Variants in NTM observed in about 807,000 individuals in gnomAD.
NTM encodes neurotrimin.
NTM carries 13 observed loss-of-function variants against 42.1 expected under a neutral mutation model. The observed-to-expected ratio is 0.31, with a 90% confidence interval of 0.20 to 0.49. The LOEUF (loss-of-function observed/expected upper bound fraction) is 0.49. Among genes scored for constraint, NTM ranks in the 20% least tolerant of loss-of-function variants. NTM has a pLI of 0.99. For synonymous variants in NTM, 187 were observed against 179.2 expected (o/e 1.04, Z -0.35); for missense variants, 373 against 452.8 (o/e 0.82, Z 1.60).
chr11:132,323,299 A>G (rs2136310252), intron 7 of NTM, among the ~76,000 whole-genome samples: 1 of 152,114 alleles, frequency 6.6e-6, no homozygotes, highest in African/African-American at 2.4e-5. Flanking sequence ...TAATAAAGAA[A>G]AAAAGAAGAA....
chr11:132,071,203 A>G (rs537600951), intron 2 of NTM, among the ~76,000 whole-genome samples: 36 of 139,948 alleles, frequency 2.6e-4, no homozygotes, highest in African/African-American at 8.9e-4. Flanking sequence ...AGCCAAGTTA[A>G]CACGTCACAC....
chr11:132,311,095 A>G (rs1248757017), intron 6 of NTM, among the ~76,000 whole-genome samples: 1 of 152,158 alleles, frequency 6.6e-6, no homozygotes, highest in Non-Finnish European at 1.5e-5. Flanking sequence ...AAGGAAAAAC[A>G]ATGAAGAGGG....
At chr11:131,989,776 C>A (rs1453952881) in intron 2 of NTM, among the ~76,000 whole-genome samples, 1 of 151,726 alleles carries the variant, frequency 6.6e-6, no homozygotes, top group Non-Finnish European at 1.5e-5. Context: ...CTTACTGGAC[C>A]AAAGCATATA....
chr11:132,018,652 A>C (rs368766594), intron 2 of NTM, among the ~76,000 whole-genome samples: 1 of 151,976 alleles, frequency 6.6e-6, no homozygotes, highest in African/African-American at 2.4e-5. Flanking sequence ...AGAGTTTTGC[A>C]TCTATGTTTA....
intron 1 of NTM, among the ~76,000 whole-genome samples, chr11:131,477,556 C>T (rs1360084734): frequency 6.6e-6 from 1 of 151,870 alleles, no homozygotes; most frequent in African/African-American, 2.4e-5. Context: ...GCGCCCTCTG[C>T]TTCCTATATC....
intron 1 of NTM, among the ~76,000 whole-genome samples, chr11:131,530,465 G>A (rs1321619651): frequency 6.6e-6 from 1 of 151,506 alleles, no homozygotes; most frequent in Non-Finnish European, 1.5e-5. Context: ...TCTTTTACTG[G>A]GGGACTTGAA....
At chr11:131,693,283 T>G (rs2075018948) in intron 1 of NTM, among the ~76,000 whole-genome samples, 1 of 152,120 alleles carries the variant, frequency 6.6e-6, no homozygotes. Context: ...CTGTGAGGGA[T>G]GAGGAAAAAA....
At chr11:131,766,024 G>A (rs1591688738) in intron 1 of NTM, among the ~76,000 whole-genome samples, 1 of 152,140 alleles carries the variant, frequency 6.6e-6, no homozygotes, top group Non-Finnish European at 1.5e-5. Context: ...AATATAATGG[G>A]TGAGGCAGCT....
chr11:131,902,318 T>C (rs565742622), intron 1 of NTM, among the ~76,000 whole-genome samples: 2 of 152,330 alleles, frequency 1.3e-5, no homozygotes, highest in African/African-American at 4.8e-5. Flanking sequence ...GTTGAGAGTA[T>C]GTTTATCTTC....
At chr11:131,608,374 A>G (rs1488954965) in intron 1 of NTM, among the ~76,000 whole-genome samples, 2 of 152,240 alleles carry the variant, frequency 1.3e-5, no homozygotes, top group Admixed American at 1.3e-4. Context: ...TCAGGCTGTC[A>G]TAGAATAGGT....
chr11:131,662,725 C>T (rs1335370967), intron 1 of NTM, among the ~76,000 whole-genome samples: 1 of 152,126 alleles, frequency 6.6e-6, no homozygotes, highest in Non-Finnish European at 1.5e-5. Flanking sequence ...GAGGTCCTCC[C>T]TTTTCTGCAT....
chr11:132,328,587 C>T (rs1408993174), intron 7 of NTM, among the ~76,000 whole-genome samples: 2 of 152,112 alleles, frequency 1.3e-5, no homozygotes, highest in South Asian at 4.2e-4. Context: ...GGTGAAGGCT[C>T]TTCCTGTGTC....
chr11:131,401,427 A>T (rs946288526), intron 1 of NTM, among the ~76,000 whole-genome samples: 2 of 152,114 alleles, frequency 1.3e-5, no homozygotes, highest in Non-Finnish European at 2.9e-5. Flanking sequence ...TGATCTGAGC[A>T]AGTTATTTAA....
intron 3 of NTM, among the ~76,000 whole-genome samples, chr11:132,194,535 C>G (rs184605844): frequency 6.6e-6 from 1 of 152,214 alleles, no homozygotes; most frequent in East Asian, 1.9e-4. Flanking sequence ...AAGCTGGAAC[C>G]ATTCCCCTTG....
chr11:132,233,516 T>A (rs1240652896), intron 4 of NTM, among the ~76,000 whole-genome samples: 1 of 152,250 alleles, frequency 6.6e-6, no homozygotes, highest in Non-Finnish European at 1.5e-5. Context: ...AATTTCATAT[T>A]TTTAAGTGGT....
intron 4 of NTM, among the ~76,000 whole-genome samples, chr11:132,276,770 C>T (rs887681424): frequency 6.6e-6 from 1 of 151,696 alleles, no homozygotes; most frequent in Non-Finnish European, 1.5e-5. Flanking sequence ...CATAGAGAAG[C>T]CTGTATATGG....
At chr11:131,457,195 T>C (rs1950973141) in intron 1 of NTM, among the ~76,000 whole-genome samples, 1 of 152,102 alleles carries the variant, frequency 6.6e-6, no homozygotes. Flanking sequence ...AGCAAACATA[T>C]AACATGAAGA....
At chr11:132,195,024 T>C (rs2079950079) in intron 3 of NTM, among the ~76,000 whole-genome samples, 1 of 151,958 alleles carries the variant, frequency 6.6e-6, no homozygotes, top group Non-Finnish European at 1.5e-5. Flanking sequence ...GGTTTCACCA[T>C]GTTGGCCAGG....
At position 131,777,581 on chromosome 11, in the gene NTM, G is replaced by GA. The variant is rs112904739; in HGVS notation, c.83-133978dup. ...TTTCTAATTCTGCGTTCTTGTTTCA[G>GA]AAAAATGGCATAACAAAGCCCCAAA... On this transcript the variant is annotated intron_variant, in intron 1 of 8. Coordinates refer to ENST00000683400, the MANE Select transcript of NTM (RefSeq NM_001352005.2). 4.9e-3 allele frequency among the ~76,000 whole-genome samples: 744 copies of GA among 151,594 alleles called. 11 individuals are homozygous for GA. The highest frequency in any genetic ancestry group is 0.018 in the African/African-American group (725 of 41,312).
Sources: gnomAD v4.1 joint callset for allele counts (sites outside exome capture counted in the v4.1 genomes callset) on GRCh38, gnomAD v4.1.1 for gene constraint, MANE v1.5 for transcripts, NCBI Gene and HGNC (gene_info 2026-07-23, HGNC 2026-07-21) for gene names.